TNR: variants seen among roughly 807,000 people sequenced by gnomAD.
TNR encodes tenascin-R.
In TNR, 45 loss-of-function variants were observed where a neutral mutation model predicts 150.4. That is an observed-to-expected ratio of 0.30 (90% CI 0.24 to 0.38). The LOEUF is 0.38. Among genes scored for constraint, TNR ranks in the 10% least tolerant of loss-of-function variants. The pLI is 1.00. For synonymous variants in TNR, 687 were observed against 678.4 expected (o/e 1.01, Z -0.20); for missense variants, 1,544 against 1,759.1 (o/e 0.88, Z 2.19).
At chr1:175,483,624 G>A (rs1325479968) in intron 2 of TNR, among the ~76,000 whole-genome samples, 2 of 152,184 alleles carry the variant, frequency 1.3e-5, no homozygotes, top group African/African-American at 2.4e-5. Context: ...GACACTGAGC[G>A]ATTCCATGAC....
intron 1 of TNR, among the ~76,000 whole-genome samples, chr1:175,703,601 A>T (rs112450912): frequency 1.1e-3 from 166 of 152,384 alleles, no homozygotes; most frequent in African/African-American, 3.9e-3. Context: ...TACCAAAGAA[A>T]TCAGAACAGA....
chr1:175,738,820 T>C (rs12022911), intron 1 of TNR, among the ~76,000 whole-genome samples: 27,933 of 152,146 alleles, frequency 0.18, 2,723 homozygotes, highest in Middle Eastern at 0.25. Flanking sequence ...AACAATCCCA[T>C]TCCAATTCCA....
intron 1 of TNR, among the ~76,000 whole-genome samples, chr1:175,664,249 G>A (rs73033390): frequency 0.016 from 2,378 of 152,340 alleles, 50 homozygotes; most frequent in African/African-American, 0.054. Context: ...GGCCATGCGG[G>A]ACCTGGGAGA....
At chr1:175,702,860 C>G (rs963155492) in intron 1 of TNR, among the ~76,000 whole-genome samples, 1 of 152,140 alleles carries the variant, frequency 6.6e-6, no homozygotes, top group Admixed American at 6.5e-5. Flanking sequence ...GCTTGAAACA[C>G]GTAAAATCCT....
chr1:175,726,943 A>G (rs546316531), intron 1 of TNR, among the ~76,000 whole-genome samples: 2 of 152,262 alleles, frequency 1.3e-5, no homozygotes, highest in African/African-American at 2.4e-5. Context: ...ATGAGCCCCA[A>G]TGTGGCATGT....
At chr1:175,617,673 T>C (rs1382181144) in intron 1 of TNR, among the ~76,000 whole-genome samples, 1 of 152,210 alleles carries the variant, frequency 6.6e-6, no homozygotes, top group Non-Finnish European at 1.5e-5. Flanking sequence ...TGTTTGTGCG[T>C]TAAAGTCTGA....
intron 2 of TNR, among the ~76,000 whole-genome samples, chr1:175,492,288 C>A (rs1362248493): frequency 6.6e-6 from 1 of 152,210 alleles, no homozygotes; most frequent in African/African-American, 2.4e-5. Context: ...GATTGCATGT[C>A]TCCCTTGTTT....
intron 4 of TNR, among the ~76,000 whole-genome samples, chr1:175,402,195 T>C (rs1207122241): frequency 6.6e-6 from 1 of 150,396 alleles, no homozygotes; most frequent in Non-Finnish European, 1.5e-5. Context: ...TAGTCCCAGC[T>C]ACTCGGGAGG....
At position 175,345,459 on chromosome 1, in the gene TNR, T is replaced by C. The variant is rs953888537; in HGVS notation, c.3383-7780A>G. Among the ~76,000 whole-genome samples, 7 of 152,208 alleles carry C rather than the reference T, an allele frequency of 4.6e-5. No individual in the cohort carries two copies. In the East Asian group the frequency reaches 9.6e-4, roughly 21 times the overall value. ...GAATTTAAATTAAGCACAATAACTT[T>C]ATTTAAGGAGGTAAGTAAATTAACA... On this transcript the variant is annotated intron_variant, in intron 18 of 22. Transcript: ENST00000367674.
At chr1:175,446,551 A>C (rs1331261044) in intron 2 of TNR, among the ~76,000 whole-genome samples, 3 of 152,214 alleles carry the variant, frequency 2.0e-5, no homozygotes, top group African/African-American at 7.2e-5. Context: ...ATATGTATAG[A>C]TCCATCGACA....
At position 175,386,246 on chromosome 1, in the gene TNR, A is replaced by G; in HGVS notation, c.1563T>C (p.Phe521=). ...TGGCTCGAGGGGGAATCCACTCCACAAAAGCCACAGTGTCCGAGACATCGC... is the reference window on the plus strand; with the variant it reads ...TGGCTCGAGGGGGAATCCACTCCACGAAAGCCACAGTGTCCGAGACATCGC... ...LVRDVSDTVA[F]VEWIPPRAKV... is the part of the protein sequence containing the mutation. Residue 521 remains phenylalanine (F), a synonymous_variant, in exon 8 of 23, where the codon TTT becomes TTC. Transcript: ENST00000367674. 6.2e-7 allele frequency: 1 copy of G among 1,604,300 alleles called. No homozygotes were observed. Among genetic ancestry groups the G allele is most frequent in the Non-Finnish European group, 8.5e-7 (1 of 1,172,298 alleles).
In TNR at chr1:175,406,418, T is replaced by C. The variant is rs1269402578; in HGVS notation, c.297A>G (p.Ala99=). 7 of 1,614,052 alleles carry C rather than the reference T, an allele frequency of 4.3e-6. No individual in the cohort carries two copies. The highest frequency in any genetic ancestry group is 5.9e-6 in the Non-Finnish European group (7 of 1,180,038). ...QEVSAEDETL[A]EYMGQTSDHE... ...GGTCTGAGGTCTGGCCCATGTACTC[T>C]GCCAGAGTCTCGTCTTCTGCACTCA... The change falls in exon 3 of 23, where the codon GCA becomes GCG. Residue 99 remains alanine, a synonymous_variant. Coordinates refer to ENST00000367674, the MANE Select transcript of TNR (RefSeq NM_003285.3).
At chr1:175,699,692 G>T (rs967093405) in intron 1 of TNR, among the ~76,000 whole-genome samples, 1 of 152,158 alleles carries the variant, frequency 6.6e-6, no homozygotes. Flanking sequence ...TAGACGGAAG[G>T]TGGTGGTGGC....
At chr1:175,406,805 AC>A (rs747440948) in intron 2 of TNR, 28 bp from the exon 3 acceptor site, 71 of 1,506,924 alleles carry the variant, frequency 4.7e-5, no homozygotes, top group Non-Finnish European at 6.3e-5. Flanking sequence ...GAAAGAGACA[AC>A]CTCTGAGACC....
Position 175,365,269 on chromosome 1 carries a change from G to T in TNR, c.2328C>A (p.Pro776=). The T allele has an allele frequency of 6.2e-7, 1 of 1,605,290 alleles. No homozygotes were observed. The highest frequency in any genetic ancestry group is 2.2e-5 in the East Asian group (1 of 44,702). ...STVDAFTGFR[P]ISHLHFSHVT... ...CATGAGAAAAGTGCAGATGAGAGATGGGACGGAAGCCTGCAAAGCAAAGGA... is the reference window on the plus strand; with the variant it reads ...CATGAGAAAAGTGCAGATGAGAGATTGGACGGAAGCCTGCAAAGCAAAGGA... Residue 776 remains proline (P), a synonymous_variant, in exon 12 of 23, where the codon CCC becomes CCA. Coordinates refer to ENST00000367674, the MANE Select transcript of TNR (RefSeq NM_003285.3).
intron 2 of TNR, among the ~76,000 whole-genome samples, chr1:175,460,042 T>C (rs1320725354): frequency 6.6e-6 from 1 of 152,200 alleles, no homozygotes; most frequent in Non-Finnish European, 1.5e-5. Context: ...GACTGACTGG[T>C]GCCCAGATTG....
At chr1:175,626,498 C>A (rs1664162189) in intron 1 of TNR, among the ~76,000 whole-genome samples, 1 of 152,166 alleles carries the variant, frequency 6.6e-6, no homozygotes, top group Admixed American at 6.5e-5. Flanking sequence ...GTTGCCCTAA[C>A]CTCAATACCC....
intron 1 of TNR, among the ~76,000 whole-genome samples, chr1:175,717,284 A>G (rs1667180786): frequency 6.6e-6 from 1 of 152,128 alleles, no homozygotes; most frequent in Non-Finnish European, 1.5e-5. Context: ...AAGTTCTAGT[A>G]GAGTAGGGAG....
At chr1:175,668,969 C>T in intron 1 of TNR, among the ~76,000 whole-genome samples, 1 of 152,168 alleles carries the variant, frequency 6.6e-6, no homozygotes, top group African/African-American at 2.4e-5. Context: ...GTGTGTTGGG[C>T]CTCTACAAGG....
Sources: gnomAD v4.1 joint callset for allele counts (sites outside exome capture counted in the v4.1 genomes callset) on GRCh38, gnomAD v4.1.1 for gene constraint, MANE v1.5 for transcripts, NCBI Gene and HGNC (gene_info 2026-07-23, HGNC 2026-07-21) for gene names.